Variants in ERBB4 observed in about 807,000 individuals in gnomAD.
The protein encoded by ERBB4 is receptor tyrosine-protein kinase erbB-4.
In ERBB4, 42 loss-of-function variants were observed where a neutral mutation model predicts 158.0. The observed-to-expected ratio is 0.27, with a 90% confidence interval of 0.21 to 0.34. The LOEUF is 0.34. ERBB4 is among the 10% of genes least tolerant of loss of function. The probability of loss-of-function intolerance (pLI) is 1.00; values close to 1 mark genes in which losing one functional copy is unlikely to be tolerated. For missense variants in ERBB4, 1,333 were observed against 1,624.1 expected (o/e 0.82, Z 3.08); for synonymous variants, 583 against 558.7 (o/e 1.04, Z -0.61).
In ERBB4 at chr2:211,789,810, C is replaced by T. The variant is rs183333700; in HGVS notation, c.422-1651G>A. Among the ~76,000 whole-genome samples, 615 of 152,144 alleles carry T rather than the reference C, an allele frequency of 4.0e-3. 4 individuals carry two copies. Among genetic ancestry groups the T allele is most frequent in the Middle Eastern group, 0.017 (5 of 294 alleles). The stretch of plus-strand genomic sequence containing the variant: ...ACTGAAGAGAGATAAATGAAAGGAA[C>T]GTGTCACACCACAAGAGGGTTATTT... On this transcript the variant is annotated intron_variant, in intron 3 of 27. Transcript: ENST00000342788.
At chr2:212,216,216 G>C (rs1335582246) in intron 1 of ERBB4, among the ~76,000 whole-genome samples, 1 of 151,082 alleles carries the variant, frequency 6.6e-6, no homozygotes, top group Non-Finnish European at 1.5e-5. Flanking sequence ...TCCTTTTATT[G>C]ATGTGAATCT....
chr2:211,736,922 A>T (rs2074619112), intron 5 of ERBB4, among the ~76,000 whole-genome samples: 5 of 152,150 alleles, frequency 3.3e-5, no homozygotes, highest in Admixed American at 2.6e-4. Context: ...ATATATTGAT[A>T]AAAAAATTAT....
At chr2:211,413,884 C>G (rs1310359943) in intron 25 of ERBB4, among the ~76,000 whole-genome samples, 2 of 151,698 alleles carry the variant, frequency 1.3e-5, no homozygotes, top group Non-Finnish European at 2.9e-5. Flanking sequence ...CTTTCCACCT[C>G]CCTCAAATTG....
intron 14 of ERBB4, among the ~76,000 whole-genome samples, chr2:211,670,856 T>C (rs1228108075): frequency 6.6e-6 from 1 of 152,168 alleles, no homozygotes; most frequent in Non-Finnish European, 1.5e-5. Flanking sequence ...ACTTGATTCA[T>C]AGGTAAAGTG....
At chr2:212,127,172 T>C (rs1345507278) in intron 1 of ERBB4, among the ~76,000 whole-genome samples, 1 of 152,220 alleles carries the variant, frequency 6.6e-6, no homozygotes, top group African/African-American at 2.4e-5. Context: ...AGGTAGGTCA[T>C]TTGGGTGTTC....
chr2:211,718,753 T>C (rs186039861), intron 7 of ERBB4, among the ~76,000 whole-genome samples: 1 of 151,908 alleles, frequency 6.6e-6, no homozygotes, highest in Non-Finnish European at 1.5e-5. Flanking sequence ...GGTATACCAC[T>C]AACACAGTGA....
intron 12 of ERBB4, among the ~76,000 whole-genome samples, chr2:211,700,937 G>A (rs1201457868): frequency 6.6e-6 from 1 of 152,116 alleles, no homozygotes; most frequent in Non-Finnish European, 1.5e-5. Flanking sequence ...TGAGTCAGAT[G>A]GTTGTACTCA....
intron 1 of ERBB4, among the ~76,000 whole-genome samples, chr2:212,168,958 C>T (rs1375054759): frequency 4.0e-5 from 6 of 151,778 alleles, no homozygotes; most frequent in Non-Finnish European, 7.4e-5. Flanking sequence ...TCATATGTGA[C>T]AAAATAAAAT....
intron 1 of ERBB4, among the ~76,000 whole-genome samples, chr2:212,216,925 A>G (rs1485215288): frequency 6.6e-6 from 1 of 151,406 alleles, no homozygotes; most frequent in Non-Finnish European, 1.5e-5. Flanking sequence ...TCTATAGTTT[A>G]AAAAATAAAT....
At chr2:211,853,562 A>C (rs1370519708) in intron 3 of ERBB4, among the ~76,000 whole-genome samples, 6 of 152,000 alleles carry the variant, frequency 3.9e-5, no homozygotes, top group African/African-American at 1.4e-4. Flanking sequence ...TTCCTTTCAA[A>C]AAGAACTACA....
intron 1 of ERBB4, among the ~76,000 whole-genome samples, chr2:212,385,059 G>GA (rs1248455437): frequency 2.0e-5 from 3 of 151,406 alleles, no homozygotes; most frequent in Non-Finnish European, 4.4e-5. Flanking sequence ...GTTTATGACA[G>GA]AAAAATTCAA....
intron 1 of ERBB4, among the ~76,000 whole-genome samples, chr2:212,452,963 A>G (rs891709211): frequency 6.6e-6 from 1 of 152,180 alleles, no homozygotes; most frequent in Non-Finnish European, 1.5e-5. Context: ...CTCTGTTAAC[A>G]TTTGTTAATT....
intron 20 of ERBB4, among the ~76,000 whole-genome samples, chr2:211,463,910 GCCTCC>G (rs1461080275): frequency 3.3e-5 from 5 of 152,000 alleles, no homozygotes; most frequent in African/African-American, 1.2e-4. Context: ...AGCCACACAG[GCCTCC>G]TTACTGTGCC....
At chr2:212,378,091 A>G (rs72933157) in intron 1 of ERBB4, among the ~76,000 whole-genome samples, 2,453 of 151,930 alleles carry the variant, frequency 0.016, 29 homozygotes, top group Non-Finnish European at 0.023. Flanking sequence ...CACGGGTAAT[A>G]GCACGCATGG....
Position 212,481,182 on chromosome 2 carries a change from A to C in ERBB4, c.82+57267T>G, listed in dbSNP as rs189427227. Among the ~76,000 whole-genome samples the C allele has an allele frequency of 1.2e-3, 190 of 152,098 alleles. 1 individual carries two copies. Among genetic ancestry groups the C allele is most frequent in the Non-Finnish European group, 8.5e-4 (58 of 67,960 alleles). On this transcript the variant is annotated intron_variant, in intron 1 of 27. Coordinates refer to ENST00000342788, the MANE Select transcript of ERBB4 (RefSeq NM_005235.3). The stretch of plus-strand genomic sequence containing the variant: ...CTGTAAATTACATACAACAAATTAT[A>C]TCATATATGTTATATATGTAAGTTA...
At chr2:211,758,784 C>T (rs1243078046) in intron 4 of ERBB4, among the ~76,000 whole-genome samples, 1 of 152,168 alleles carries the variant, frequency 6.6e-6, no homozygotes, top group Non-Finnish European at 1.5e-5. Flanking sequence ...GTGCAGTGCA[C>T]AACCTGTTCA....
At chr2:211,981,634 C>T (rs1388686169) in intron 2 of ERBB4, among the ~76,000 whole-genome samples, 1 of 152,170 alleles carries the variant, frequency 6.6e-6, no homozygotes, top group African/African-American at 2.4e-5. Context: ...GCCTCCCTTA[C>T]ATCCTGATGT....
chr2:212,089,345 T>C (rs1045809591), intron 2 of ERBB4, among the ~76,000 whole-genome samples: 20 of 152,180 alleles, frequency 1.3e-4, no homozygotes, highest in East Asian at 1.9e-4. Context: ...TTAGTATTAG[T>C]GCTTATTCTT....
intron 4 of ERBB4, among the ~76,000 whole-genome samples, chr2:211,780,927 T>C (rs531938282): frequency 6.6e-6 from 1 of 152,350 alleles, no homozygotes; most frequent in Non-Finnish European, 1.5e-5. Context: ...TTTAAAAATA[T>C]CTTTTGAAAA....
Sources: allele counts gnomAD v4.1 joint callset (sites outside exome capture counted in the v4.1 genomes callset), GRCh38; gene constraint gnomAD v4.1.1; transcripts MANE v1.5; gene names NCBI Gene and HGNC (gene_info 2026-07-23, HGNC 2026-07-21).